The following KRTAP2-1 variants were observed in gnomAD, a reference collection of about 807,000 sequenced individuals.
The protein encoded by KRTAP2-1 is keratin-associated protein 2-1.
A neutral mutation model predicts 11.6 loss-of-function variants in KRTAP2-1; 5 were observed. The observed-to-expected ratio is 0.43, with a 90% confidence interval of 0.22 to 0.90. KRTAP2-1 has a LOEUF of 0.90. Among genes scored for constraint, KRTAP2-1 ranks in the 40% least tolerant of loss-of-function variants. The pLI, the probability that KRTAP2-1 is intolerant of heterozygous loss-of-function variation, is 0.26. For synonymous variants in KRTAP2-1, 19 were observed against 81.9 expected (o/e 0.23, Z 4.15); for missense variants, 40 against 191.3 (o/e 0.21, Z 4.67).
In KRTAP2-1 at chr17:41,046,657, G is replaced by A. The variant is rs1452050535; in HGVS notation, c.*224C>T. The A allele has an allele frequency of 1.7e-5, 21 of 1,261,352 alleles. No homozygotes were observed. Among genetic ancestry groups the A allele is most frequent in the Non-Finnish European group, 2.0e-5 (19 of 931,694 alleles). The allele number at this position is 1,261,352 out of a possible 1,614,324, so 78.1% of individuals were successfully genotyped here. On this transcript the variant is annotated 3_prime_UTR_variant, in exon 1 of 1. Transcript: ENST00000391419. ...GAATGGCCCAGGTCTTAATAGATGA[G>A]CCCAGTGCTCGGTTCCCTGCTTGGT...
At position 41,046,623 on chromosome 17, in the gene KRTAP2-1, C is replaced by T; in HGVS notation, c.*258G>A. On this transcript the variant is annotated 3_prime_UTR_variant, in exon 1 of 1. Coordinates refer to ENST00000391419, the MANE Select transcript of KRTAP2-1 (RefSeq NM_001123387.1). The stretch of plus-strand genomic sequence containing the variant: ...AAGAAGAAGGAAATTGCTTCTTTTA[C>T]AGACTTCAGAATGGCCCAGGTCTTA... The T allele has an allele frequency of 1.1e-6, 1 of 900,988 alleles. No individual in the cohort carries two copies. Among genetic ancestry groups the T allele is most frequent in the Non-Finnish European group, 1.6e-6 (1 of 636,012 alleles). 55.8% of individuals were successfully genotyped at this position (900,988 alleles called of 1,614,324 possible).
In KRTAP2-1 at chr17:41,046,667, C is replaced by G. The variant is rs12951055; in HGVS notation, c.*214G>C. ...GGTCTTAATAGATGAGCCCAGTGCT[C>G]GGTTCCCTGCTTGGTTGATGTGGGG... On this transcript the variant is annotated 3_prime_UTR_variant, in exon 1 of 1. Transcript: ENST00000391419. 1.3e-5 allele frequency: 18 copies of G among 1,348,168 alleles called. No homozygotes were observed. The highest frequency in any genetic ancestry group is 1.8e-5 in the Non-Finnish European group (18 of 1,007,590). The allele number at this position is 1,348,168 out of a possible 1,614,324, so 83.5% of individuals were successfully genotyped here.
chr17:41,046,955 G>C lies in KRTAP2-1; in HGVS notation c.313C>G (p.Gln105Glu). Residue 105 changes from glutamine to glutamate, a missense_variant, in exon 1 of 1, where the codon CAG becomes GAG. Physicochemically the swap from Gln to Glu is conservative, Grantham distance 29 (BLOSUM62 2). Coordinates refer to ENST00000391419, the MANE Select transcript of KRTAP2-1 (RefSeq NM_001123387.1). ...CAGGGGGGCCGGCAGCAGGGGGACT[G>C]CACAGACACAGGCTGGCAGCAGGTG... The part of the protein sequence containing the change: ...ATTCCQPVSV[Q>E]SPCCRPPCGQ... 6 of 1,542,960 alleles carry C rather than the reference G, an allele frequency of 3.9e-6. No homozygotes were observed. Among genetic ancestry groups the C allele is most frequent in the Non-Finnish European group, 5.2e-6 (6 of 1,148,046 alleles).
Position 41,047,022 on chromosome 17 carries a change from C to A in KRTAP2-1, c.246G>T (p.Ser82=). ...GCCRPITCCP[S]SCTAVVCRPC... ...GCCTGCACACCACAGCCGTGCACGACGAGGGGCAGCAGGTGATGGGGCGGC... is the reference window on the plus strand; with the variant it reads ...GCCTGCACACCACAGCCGTGCACGAAGAGGGGCAGCAGGTGATGGGGCGGC... The change falls in exon 1 of 1, where the codon TCG becomes TCT. Residue 82 remains serine (S), a synonymous_variant. Transcript: ENST00000391419. 3.3e-6 allele frequency: 5 copies of A among 1,498,464 alleles called. No individual in the cohort carries two copies. Among genetic ancestry groups the A allele is most frequent in the Non-Finnish European group, 4.5e-6 (5 of 1,119,072 alleles). The allele number at this position is 1,498,464 out of a possible 1,614,324, so 92.8% of individuals were successfully genotyped here. A position where few individuals can be genotyped will look rare whatever the true frequency, so the allele number is the denominator to read the frequency against.
chr17:41,046,953 C>G lies in KRTAP2-1; in HGVS notation c.315G>C (p.Gln105His), dbSNP rs1165536252. The G allele has an allele frequency of 6.5e-7, 1 of 1,543,636 alleles. No individual in the cohort carries two copies. Among genetic ancestry groups the G allele is most frequent in the African/African-American group, 1.4e-5 (1 of 73,308 alleles). The change falls in exon 1 of 1, where the codon CAG becomes CAC. Residue 105 changes from glutamine to histidine, a missense_variant. Physicochemically the swap from Gln to His is conservative, Grantham distance 24. Transcript: ENST00000391419. ...ATTCCQPVSV[Q>H]SPCCRPPCGQ... Reference sequence around the variant, plus strand: ...CGCAGGGGGGCCGGCAGCAGGGGGACTGCACAGACACAGGCTGGCAGCAGG... The same window carrying G: ...CGCAGGGGGGCCGGCAGCAGGGGGAGTGCACAGACACAGGCTGGCAGCAGG...
chr17:41,046,827 G>C lies in KRTAP2-1; in HGVS notation c.*54C>G. Reference sequence around the variant, plus strand: ...AGGTCCTGCAGGTGGTGCTGCAAGGGGTCGGCTGGCCGCAGGGGGACTGCA... The same window carrying C: ...AGGTCCTGCAGGTGGTGCTGCAAGGCGTCGGCTGGCCGCAGGGGGACTGCA... On this transcript the variant is annotated 3_prime_UTR_variant, in exon 1 of 1. Transcript: ENST00000391419. 1 of 1,547,420 alleles carries C rather than the reference G, an allele frequency of 6.5e-7. No homozygotes were observed.
At position 41,046,700 on chromosome 17, in the gene KRTAP2-1, G is replaced by T. The variant is rs2012845275; in HGVS notation, c.*181C>A. 2 of 1,465,964 alleles carry T rather than the reference G, an allele frequency of 1.4e-6. No individual in the cohort carries two copies. The highest frequency in any genetic ancestry group is 2.8e-5 in the African/African-American group (2 of 71,838). 90.8% of individuals were successfully genotyped at this position (1,465,964 alleles called of 1,614,324 possible). A position where few individuals can be genotyped will look rare whatever the true frequency, so the allele number is the denominator to read the frequency against. ...TGCTTGGTTGATGTGGGGTTTTGTG[G>T]GCTCAGGGCAGGAGGTTTGTTAAAG... On this transcript the variant is annotated 3_prime_UTR_variant, in exon 1 of 1. Coordinates refer to ENST00000391419, the MANE Select transcript of KRTAP2-1 (RefSeq NM_001123387.1).
chr17:41,046,708 G>T lies in KRTAP2-1; in HGVS notation c.*173C>A. 1 of 1,483,706 alleles carries T rather than the reference G, an allele frequency of 6.7e-7. No homozygotes were observed. Among genetic ancestry groups the T allele is most frequent in the Admixed American group, 2.0e-5 (1 of 49,014 alleles). The allele number at this position is 1,483,706 out of a possible 1,614,324, so 91.9% of individuals were successfully genotyped here. A position where few individuals can be genotyped will look rare whatever the true frequency, so the allele number is the denominator to read the frequency against. On this transcript the variant is annotated 3_prime_UTR_variant, in exon 1 of 1. Transcript: ENST00000391419. The stretch of plus-strand genomic sequence containing the variant: ...TGATGTGGGGTTTTGTGGGCTCAGG[G>T]CAGGAGGTTTGTTAAAGTAGAGAAA...
chr17:41,046,569 A>G lies in KRTAP2-1; in HGVS notation c.*312T>C. 1.7e-6 allele frequency: 1 copy of G among 583,396 alleles called. No individual in the cohort carries two copies. The highest frequency in any genetic ancestry group is 2.8e-6 in the Non-Finnish European group (1 of 359,094). The allele number at this position is 583,396 out of a possible 1,614,324, so 36.1% of individuals were successfully genotyped here. ...TTGCAAGGCCAAAGAACAGATATTT[A>G]TTAGAAAATAAACATGCCACGAAAT... On this transcript the variant is annotated 3_prime_UTR_variant, in exon 1 of 1. Coordinates refer to ENST00000391419, the MANE Select transcript of KRTAP2-1 (RefSeq NM_001123387.1).
At position 41,046,804 on chromosome 17, in the gene KRTAP2-1, G is replaced by A. The variant is rs1426845797; in HGVS notation, c.*77C>T. ...TCAGTGCACTGCTCAGCAGGAGGAG[G>A]TCCTGCAGGTGGTGCTGCAAGGGGT... On this transcript the variant is annotated 3_prime_UTR_variant, in exon 1 of 1. Coordinates refer to ENST00000391419, the MANE Select transcript of KRTAP2-1 (RefSeq NM_001123387.1). The A allele has an allele frequency of 6.5e-7, 1 of 1,544,070 alleles. No individual in the cohort carries two copies. Among genetic ancestry groups the A allele is most frequent in the Non-Finnish European group, 8.7e-7 (1 of 1,147,248 alleles).
In KRTAP2-1 at chr17:41,046,597, TAAG is replaced by T. The variant is rs952861510; in HGVS notation, c.*281_*283del. On this transcript the variant is annotated 3_prime_UTR_variant, in exon 1 of 1. Transcript: ENST00000391419. ...AGAAAATAAACATGCCACGAAATCT[TAAG>T]AAGAAGGAAATTGCTTCTTTTACAG... The T allele has an allele frequency of 2.1e-5, 15 of 717,096 alleles. No homozygotes were observed. Among genetic ancestry groups the T allele is most frequent in the African/African-American group, 1.8e-4 (10 of 56,024 alleles). The allele number at this position is 717,096 out of a possible 1,614,324, so 44.4% of individuals were successfully genotyped here.
rs952924506 is a variant in KRTAP2-1 at position 41,047,221 on chromosome 17, C to A, written c.47G>T (p.Gly16Val). The A allele has an allele frequency of 3.5e-6, 5 of 1,442,042 alleles. No homozygotes were observed. The highest frequency in any genetic ancestry group is 3.6e-6 in the Non-Finnish European group (4 of 1,097,362). 89.3% of individuals were successfully genotyped at this position (1,442,042 alleles called of 1,614,324 possible). Residue 16 changes from glycine (G) to valine (V), a missense_variant, in exon 1 of 1, where the codon GGG (glycine) becomes GTG (valine). Gly to Val is a moderately radical substitution (Grantham distance 109, BLOSUM62 -3). Transcript: ENST00000391419. ...CGSTFSSLSY[G>V]GGCCQPCCCR... ...GCAGCAGGGCTGGCAGCAGCCTCCCCCGTAGCTCAGGGAGGAGAAGGTGGA... is the reference window on the plus strand; with the variant it reads ...GCAGCAGGGCTGGCAGCAGCCTCCCACGTAGCTCAGGGAGGAGAAGGTGGA...
In KRTAP2-1 at chr17:41,047,293, T is replaced by G. The variant is rs2012866665; in HGVS notation, c.-26A>C. On this transcript the variant is annotated 5_prime_UTR_variant, in exon 1 of 1. Transcript: ENST00000391419. ...GGTGGTGTCTGAGGCTGGTGTGGGT[T>G]GGGCTGTGGAGAGGAGCTGGATGTT... 4 of 1,372,520 alleles carry G rather than the reference T, an allele frequency of 2.9e-6. No individual in the cohort carries two copies. In the East Asian group the frequency reaches 1.0e-4, roughly 35 times the overall value. 85.0% of individuals were successfully genotyped at this position (1,372,520 alleles called of 1,614,324 possible). A position where few individuals can be genotyped will look rare whatever the true frequency, so the allele number is the denominator to read the frequency against.
rs1474979767 is a variant in KRTAP2-1 at position 41,046,798 on chromosome 17, G to A, written c.*83C>T. 9.1e-6 allele frequency: 14 copies of A among 1,543,282 alleles called. No individual in the cohort carries two copies. In the South Asian group the frequency reaches 1.7e-4, roughly 18 times the overall value. On this transcript the variant is annotated 3_prime_UTR_variant, in exon 1 of 1. Coordinates refer to ENST00000391419, the MANE Select transcript of KRTAP2-1 (RefSeq NM_001123387.1). ...GGGCAGTCAGTGCACTGCTCAGCAG[G>A]AGGAGGTCCTGCAGGTGGTGCTGCA...
In KRTAP2-1 at chr17:41,046,766, G is replaced by GCGTT. The variant is rs1446453779; in HGVS notation, c.*111_*114dup. 10 of 1,506,144 alleles carry GCGTT rather than the reference G, an allele frequency of 6.6e-6. No homozygotes were observed. The East Asian group carries it at 2.5e-4, about 38-fold the overall frequency. 93.3% of individuals were successfully genotyped at this position (1,506,144 alleles called of 1,614,324 possible). On this transcript the variant is annotated 3_prime_UTR_variant, in exon 1 of 1. Coordinates refer to ENST00000391419, the MANE Select transcript of KRTAP2-1 (RefSeq NM_001123387.1). Reference sequence around the variant, plus strand: ...GTGACTTTTTCAGAAGGTGAGTTACGCGTTCCGGGCAGTCAGTGCACTGCT... The same window carrying GCGTT: ...GTGACTTTTTCAGAAGGTGAGTTACGCGTTCGTTCCGGGCAGTCAGTGCACTGCT...
rs778741922 is a variant in KRTAP2-1, at chr17:41,046,780, C to G, written c.*101G>C. 4.6e-6 allele frequency: 7 copies of G among 1,520,856 alleles called. No homozygotes were observed. The highest frequency in any genetic ancestry group is 4.4e-6 in the Non-Finnish European group (5 of 1,136,092). The allele number at this position is 1,520,856 out of a possible 1,614,324, so 94.2% of individuals were successfully genotyped here. A position where few individuals can be genotyped will look rare whatever the true frequency, so the allele number is the denominator to read the frequency against. ...AGGTGAGTTACGCGTTCCGGGCAGT[C>G]AGTGCACTGCTCAGCAGGAGGAGGT... On this transcript the variant is annotated 3_prime_UTR_variant, in exon 1 of 1. Transcript: ENST00000391419.
In KRTAP2-1 at chr17:41,046,823, A is replaced by T; in HGVS notation, c.*58T>A. On this transcript the variant is annotated 3_prime_UTR_variant, in exon 1 of 1. Transcript: ENST00000391419. ...GAGGAGGTCCTGCAGGTGGTGCTGC[A>T]AGGGGTCGGCTGGCCGCAGGGGGAC... 1 of 1,546,660 alleles carries T rather than the reference A, an allele frequency of 6.5e-7. No homozygotes were observed.
chr17:41,047,171 G>GGCGGCAGCAGCAGGGGTC lies in KRTAP2-1; in HGVS notation c.79_96dup (p.Asp27_Arg32dup), dbSNP rs1346553840. ...CACACGGTGGTCTGGCAGGTCACGG[G>GGCGGCAGCAGCAGGGGTC]GCGGCAGCAGCAGGGGTCGCGGCAG... On this transcript the variant is annotated inframe_insertion, in exon 1 of 1. Transcript: ENST00000391419. The GGCGGCAGCAGCAGGGGTC allele has an allele frequency of 2.2e-6, 3 of 1,381,842 alleles. No homozygotes were observed. Among genetic ancestry groups the GGCGGCAGCAGCAGGGGTC allele is most frequent in the African/African-American group, 2.9e-5 (2 of 68,384 alleles). The allele number at this position is 1,381,842 out of a possible 1,614,324, so 85.6% of individuals were successfully genotyped here.
chr17:41,046,550 G>C lies in KRTAP2-1; in HGVS notation c.*331C>G. The C allele has an allele frequency of 1.9e-6, 1 of 513,290 alleles. No individual in the cohort carries two copies. Among genetic ancestry groups the C allele is most frequent in the Non-Finnish European group, 3.2e-6 (1 of 309,324 alleles). 31.8% of individuals were successfully genotyped at this position (513,290 alleles called of 1,614,324 possible). On this transcript the variant is annotated 3_prime_UTR_variant, in exon 1 of 1. Transcript: ENST00000391419. ...TAAATAAAACCAAATCTTTTTGCAAGGCCAAAGAACAGATATTTATTAGAA... is the reference window on the plus strand; with the variant it reads ...TAAATAAAACCAAATCTTTTTGCAACGCCAAAGAACAGATATTTATTAGAA...
Sources: gnomAD v4.1 joint callset for allele counts on GRCh38, gnomAD v4.1.1 for gene constraint, MANE v1.5 for transcripts, NCBI Gene and HGNC (gene_info 2026-07-23, HGNC 2026-07-21) for gene names.